The following CHN1 variants were observed in gnomAD, a reference collection of about 807,000 sequenced individuals.
CHN1 encodes N-chimaerin.
In CHN1, 37 loss-of-function variants were observed where a neutral mutation model predicts 59.5. That is an observed-to-expected ratio of 0.62 (90% confidence interval 0.48 to 0.82). The LOEUF (loss-of-function observed/expected upper bound fraction) is 0.82, where lower values mean the gene tolerates loss of function less well. Among genes scored for constraint, CHN1 ranks in the 40% least tolerant of loss-of-function variants. The pLI is 0.00. For missense variants in CHN1, 469 were observed against 571.0 expected (o/e 0.82, Z 1.82); for synonymous variants, 206 against 200.4 (o/e 1.03, Z -0.24).
chr2:174,819,547 T>C (rs1253965871), intron 8 of CHN1, among the ~76,000 whole-genome samples: 10 of 152,178 alleles, frequency 6.6e-5, no homozygotes, highest in Admixed American at 6.5e-4. Flanking sequence ...TGTTTGACAG[T>C]CTCCATGATT....
At chr2:174,809,739 A>G (rs1685014242) in intron 10 of CHN1, among the ~76,000 whole-genome samples, 1 of 152,230 alleles carries the variant, frequency 6.6e-6, no homozygotes, top group East Asian at 1.9e-4. Context: ...ATACCATATC[A>G]GCAAGACGTC....
rs545699172 is a variant in CHN1, at chr2:174,959,377, G to C, written c.20-7175C>G. Among the ~76,000 whole-genome samples the C allele has an allele frequency of 3.9e-5, 6 of 152,262 alleles. No homozygotes were observed. The South Asian group carries it at 1.0e-3, about 26-fold the overall frequency. On this transcript the variant is annotated intron_variant, in intron 1 of 12. Transcript: ENST00000409900. ...GAAAAGCGGCTTGAATGTTCCTTTA[G>C]TTGACCAGTGGGTAGGTGCCACTGT...
intron 4 of CHN1, among the ~76,000 whole-genome samples, chr2:174,916,598 G>T (rs922759431): frequency 1.3e-5 from 2 of 152,184 alleles, no homozygotes. Flanking sequence ...AGGGGCAAGA[G>T]GAAATTTTCT....
chr2:174,849,564 C>T (rs1175882762), intron 6 of CHN1, among the ~76,000 whole-genome samples: 1 of 151,902 alleles, frequency 6.6e-6, no homozygotes, highest in Non-Finnish European at 1.5e-5. Context: ...AATTCAGAAC[C>T]AATATAATCA....
At chr2:174,950,063 C>T (rs1329189532) in intron 2 of CHN1, among the ~76,000 whole-genome samples, 1 of 151,986 alleles carries the variant, frequency 6.6e-6, no homozygotes, top group Non-Finnish European at 1.5e-5. Flanking sequence ...GAGTTGGAGA[C>T]CTTCCTGGGC....
At chr2:174,830,517 T>C (rs1228614323) in intron 7 of CHN1, among the ~76,000 whole-genome samples, 1 of 152,220 alleles carries the variant, frequency 6.6e-6, no homozygotes, top group Non-Finnish European at 1.5e-5. Flanking sequence ...AGCGAGGTTT[T>C]GGTTCAGTTA....
chr2:174,818,025 G>T (rs949489331), intron 8 of CHN1, among the ~76,000 whole-genome samples: 1 of 152,094 alleles, frequency 6.6e-6, no homozygotes, highest in African/African-American at 2.4e-5. Context: ...CACCTGTCTT[G>T]GCCTCCCAAA....
At chr2:174,990,707 G>A (rs945888210) in intron 1 of CHN1, among the ~76,000 whole-genome samples, 3 of 152,116 alleles carry the variant, frequency 2.0e-5, no homozygotes, top group Non-Finnish European at 2.9e-5. Context: ...GCCCAGAGAA[G>A]CATTTCTCTT....
chr2:174,923,355 T>C (rs1689074100), intron 3 of CHN1, among the ~76,000 whole-genome samples: 1 of 152,148 alleles, frequency 6.6e-6, no homozygotes, highest in South Asian at 2.1e-4. Flanking sequence ...TTAGCCAGGA[T>C]GGTCTCCATC....
At chr2:174,937,857 G>A (rs1689542804) in intron 3 of CHN1, among the ~76,000 whole-genome samples, 1 of 152,044 alleles carries the variant, frequency 6.6e-6, no homozygotes, top group South Asian at 2.1e-4. Flanking sequence ...CCATGACTGT[G>A]AGCTTCGTGA....
At chr2:175,001,635 G>A (rs1039142212) in intron 1 of CHN1, among the ~76,000 whole-genome samples, 3 of 152,206 alleles carry the variant, frequency 2.0e-5, no homozygotes, top group African/African-American at 4.8e-5. Flanking sequence ...GAGCAGCAAC[G>A]CCAGAGGTGA....
chr2:174,840,882 C>A (rs1029721142), intron 7 of CHN1, among the ~76,000 whole-genome samples: 1 of 151,918 alleles, frequency 6.6e-6, no homozygotes, highest in African/African-American at 2.4e-5. Context: ...TCATTTAAAA[C>A]ATTTAAAAAA....
intron 3 of CHN1, among the ~76,000 whole-genome samples, chr2:174,926,698 T>C (rs551720593): frequency 6.6e-6 from 1 of 152,198 alleles, no homozygotes; most frequent in South Asian, 2.1e-4. Flanking sequence ...GTAAATTGTG[T>C]ATTTGGTGAA....
rs62184790 is a variant in CHN1, at chr2:174,931,020, G to A, written c.115-12455C>T. Among the ~76,000 whole-genome samples, 326 of 151,962 alleles carry A rather than the reference G, an allele frequency of 2.1e-3. 1 individual carries two copies. The highest frequency in any genetic ancestry group is 7.5e-3 in the African/African-American group (311 of 41,460). Reference sequence around the variant, plus strand: ...CCTGACCTCGTGATCTGCCCGCCTCGGCCTCCCAAAGTGCTGGGATTATAG... The same window carrying A: ...CCTGACCTCGTGATCTGCCCGCCTCAGCCTCCCAAAGTGCTGGGATTATAG... On this transcript the variant is annotated intron_variant, in intron 3 of 12. Coordinates refer to ENST00000409900, the MANE Select transcript of CHN1 (RefSeq NM_001822.7).
intron 5 of CHN1, among the ~76,000 whole-genome samples, chr2:174,907,658 TA>T (rs1201864415): frequency 1.1e-4 from 16 of 146,810 alleles, no homozygotes; most frequent in African/African-American, 1.2e-4. Flanking sequence ...ATGTGCACTG[TA>T]AAAAAAAAAT....
At chr2:174,870,215 G>C (rs1558960172) in intron 6 of CHN1, among the ~76,000 whole-genome samples, 1 of 152,080 alleles carries the variant, frequency 6.6e-6, no homozygotes, top group South Asian at 2.1e-4. Context: ...TACTTTAAAA[G>C]GGACATAAAG....
rs573992895 is a variant in CHN1, at chr2:174,811,572, T to A, written c.903A>T (p.Gly301=). Residue 301 remains glycine, a synonymous_variant, in exon 10 of 13, where the codon GGA becomes GGT. Transcript: ENST00000409900. The part of the protein sequence containing the change: ...EIESRGLNSE[G]LYRVSGFSDL... ...CACTAAATCCTGATACTCGGTATAG[T>A]CCTTCAGAATTAAGACCTGAAAAAT... 20 of 1,606,432 alleles carry A rather than the reference T, an allele frequency of 1.2e-5. No individual in the cohort carries two copies. In the South Asian group the frequency reaches 2.1e-4, roughly 17 times the overall value.
At chr2:174,828,132 G>A (rs1367638515) in intron 7 of CHN1, among the ~76,000 whole-genome samples, 2 of 152,128 alleles carry the variant, frequency 1.3e-5, no homozygotes, top group African/African-American at 4.8e-5. Context: ...AAAGTTACAG[G>A]AATTCATGCC....
At chr2:174,801,383 T>C (rs962347111) in intron 12 of CHN1, among the ~76,000 whole-genome samples, 9 of 152,230 alleles carry the variant, frequency 5.9e-5, no homozygotes, top group Non-Finnish European at 1.0e-4. Flanking sequence ...TGCTTTATTA[T>C]GCAAGTGTCT....
Sources: gnomAD v4.1 joint callset for allele counts (sites outside exome capture counted in the v4.1 genomes callset) on GRCh38, gnomAD v4.1.1 for gene constraint, MANE v1.5 for transcripts, NCBI Gene and HGNC (gene_info 2026-07-23, HGNC 2026-07-21) for gene names.